The following BBX variants were observed in gnomAD, a reference collection of about 807,000 sequenced individuals.
BBX encodes BBX high mobility group box domain containing.
A neutral mutation model predicts 100.2 loss-of-function variants in BBX; 30 were observed. The observed-to-expected ratio is 0.30, with a 90% confidence interval of 0.22 to 0.41. The LOEUF is 0.41. Among genes scored for constraint, BBX ranks in the 10% least tolerant of loss-of-function variants. The probability of loss-of-function intolerance (pLI) is 1.00; values close to 1 mark genes in which losing one functional copy is unlikely to be tolerated. For missense variants in BBX, 1,023 were observed against 1,129.8 expected (o/e 0.91, Z 1.35); for synonymous variants, 376 against 388.1 (o/e 0.97, Z 0.37).
chr3:107,610,658 G>T (rs546891575), intron 2 of BBX, among the ~76,000 whole-genome samples: 1 of 152,022 alleles, frequency 6.6e-6, no homozygotes, highest in African/African-American at 2.4e-5. Flanking sequence ...TATAGGTATA[G>T]CCACTCCTGC....
chr3:107,537,834 T>C (rs1168473430), intron 2 of BBX, among the ~76,000 whole-genome samples: 1 of 152,248 alleles, frequency 6.6e-6, no homozygotes, highest in Admixed American at 6.5e-5. Flanking sequence ...TGAAATATTG[T>C]GCTCAGTGTT....
chr3:107,561,469 A>C (rs2050491425), intron 2 of BBX, among the ~76,000 whole-genome samples: 1 of 152,208 alleles, frequency 6.6e-6, no homozygotes, highest in South Asian at 2.1e-4. Flanking sequence ...AATAGGGAAA[A>C]CTGGAAATAG....
At chr3:107,590,231 A>G (rs34950409) in intron 2 of BBX, among the ~76,000 whole-genome samples, 364 of 152,262 alleles carry the variant, frequency 2.4e-3, no homozygotes, top group South Asian at 8.7e-3. Flanking sequence ...AGAAATTTAT[A>G]TGTATTTATG....
chr3:107,537,308 A>G (rs2048566507), intron 2 of BBX, among the ~76,000 whole-genome samples: 1 of 152,216 alleles, frequency 6.6e-6, no homozygotes, highest in Non-Finnish European at 1.5e-5. Flanking sequence ...AGAGCATTCT[A>G]CATATACCAA....
chr3:107,774,669 C>G (rs762548334), intron 11 of BBX, 50 bp from the exon 12 acceptor site: 22 of 1,583,194 alleles, frequency 1.4e-5, no homozygotes, highest in Non-Finnish European at 1.9e-5. Context: ...ACATCATCTC[C>G]CCTCGCCCAC....
intron 10 of BBX, among the ~76,000 whole-genome samples, chr3:107,764,111 G>A (rs1417566435): frequency 6.6e-6 from 1 of 152,158 alleles, no homozygotes; most frequent in African/African-American, 2.4e-5. Context: ...TCCTGCCTCA[G>A]CCTCCTGAGT....
intron 3 of BBX, among the ~76,000 whole-genome samples, chr3:107,660,166 A>G (rs1184059742): frequency 1.3e-5 from 2 of 152,204 alleles, no homozygotes; most frequent in African/African-American, 4.8e-5. Flanking sequence ...TCATCTAGAT[A>G]TCTCAGACTC....
chr3:107,596,251 G>A (rs115552628), intron 2 of BBX, among the ~76,000 whole-genome samples: 421 of 152,132 alleles, frequency 2.8e-3, no homozygotes, highest in African/African-American at 9.8e-3. Flanking sequence ...GAATGCAGGG[G>A]TTGGGGGCAG....
At chr3:107,661,902 A>G (rs1393452645) in intron 3 of BBX, 1 of 985,048 alleles carries the variant, frequency 1.0e-6, no homozygotes, top group Non-Finnish European at 1.2e-6. Context: ...TGGAGGATTC[A>G]CTGGGATATT....
At chr3:107,541,558 T>C (rs1291453023) in intron 2 of BBX, among the ~76,000 whole-genome samples, 2 of 152,164 alleles carry the variant, frequency 1.3e-5, no homozygotes, top group Non-Finnish European at 2.9e-5. Flanking sequence ...CAACTTGTGA[T>C]GGCAAATTAA....
chr3:107,713,785 C>T (rs1461389403), intron 4 of BBX, among the ~76,000 whole-genome samples: 1 of 151,962 alleles, frequency 6.6e-6, no homozygotes, highest in Non-Finnish European at 1.5e-5. Context: ...TCATCCTTGT[C>T]TCCTGAAGCC....
chr3:107,613,947 T>G (rs1413715429), intron 2 of BBX, among the ~76,000 whole-genome samples: 1 of 114,310 alleles, frequency 8.7e-6, no homozygotes, highest in Non-Finnish European at 1.7e-5. Context: ...CATGGTTTTT[T>G]TTTTTTTTTT....
chr3:107,661,590 A>G (rs953116385), intron 3 of BBX, among the ~76,000 whole-genome samples: 3 of 152,172 alleles, frequency 2.0e-5, no homozygotes, highest in Admixed American at 6.5e-5. Context: ...ATTTAGTAAC[A>G]TGAGAGCACC....
intron 2 of BBX, among the ~76,000 whole-genome samples, chr3:107,581,012 T>C (rs1398302363): frequency 6.6e-6 from 1 of 152,236 alleles, no homozygotes; most frequent in Non-Finnish European, 1.5e-5. Flanking sequence ...TGTTAAAATA[T>C]GGAAGACCTA....
At chr3:107,653,699 G>A (rs573388384) in intron 3 of BBX, among the ~76,000 whole-genome samples, 58 of 152,142 alleles carry the variant, frequency 3.8e-4, no homozygotes, top group African/African-American at 1.3e-3. Flanking sequence ...ATTACCAAGC[G>A]TCTCCTTATG....
At chr3:107,774,949 T>G in intron 12 of BBX, 92 bp downstream of exon 12, 1 of 1,446,438 alleles carries the variant, frequency 6.9e-7, no homozygotes. Flanking sequence ...TACGCATGCT[T>G]GTTCTTTGAC....
chr3:107,693,217 A>G (rs146226992), intron 3 of BBX, among the ~76,000 whole-genome samples: 35,922 of 150,968 alleles, frequency 0.24, 5,191 homozygotes, highest in Non-Finnish European at 0.32. Flanking sequence ...ATCCCATTTG[A>G]CAATTTTGGC....
In BBX at chr3:107,782,354, A is replaced by G. The variant is rs554305251; in HGVS notation, c.2203+3835A>G. Among the ~76,000 whole-genome samples the G allele has an allele frequency of 3.3e-5, 5 of 152,220 alleles. No homozygotes were observed. In the South Asian group the frequency reaches 1.0e-3, roughly 32 times the overall value. ...GGTACTCATTACTTACAAGTCCAAT[A>G]CAGAAATGGTAGCCTAGTCTTAGAA... is the stretch of plus-strand genomic sequence containing the variant. On this transcript the variant is annotated intron_variant, in intron 13 of 17. Coordinates refer to ENST00000325805, the MANE Select transcript of BBX (RefSeq NM_001142568.3).
chr3:107,799,234 A>G (rs771772740), intron 16 of BBX, among the ~76,000 whole-genome samples: 42 of 152,120 alleles, frequency 2.8e-4, no homozygotes, highest in Non-Finnish European at 4.7e-4. Flanking sequence ...CTGCATTCAA[A>G]GCTGTCCCCA....
Sources: allele counts gnomAD v4.1 joint callset (sites outside exome capture counted in the v4.1 genomes callset), GRCh38; gene constraint gnomAD v4.1.1; transcripts MANE v1.5; gene names NCBI Gene and HGNC (gene_info 2026-07-23, HGNC 2026-07-21).